Variants in FBXL13 observed in about 807,000 individuals in gnomAD.
FBXL13 encodes the protein F-box and leucine-rich repeat protein 13.
A neutral mutation model predicts 83.6 loss-of-function variants in FBXL13; 67 were observed. That is an observed-to-expected ratio of 0.80 (90% CI 0.66 to 0.98). The LOEUF is 0.98. Among genes scored for constraint, FBXL13 ranks in the 50% least tolerant of loss-of-function variants. The pLI, the probability that FBXL13 is intolerant of heterozygous loss-of-function variation, is 0.00. For synonymous variants in FBXL13, 272 were observed against 299.5 expected (o/e 0.91, Z 0.95); for missense variants, 822 against 866.5 (o/e 0.95, Z 0.64).
intron 6 of FBXL13, among the ~76,000 whole-genome samples, chr7:103,018,053 A>T (rs942188118): frequency 1.3e-5 from 2 of 152,190 alleles, no homozygotes; most frequent in African/African-American, 4.8e-5. Context: ...TGAAGGAAAA[A>T]ATGTTAAGGG....
chr7:102,950,340 A>G (rs1387991677), intron 8 of FBXL13, among the ~76,000 whole-genome samples: 1 of 152,248 alleles, frequency 6.6e-6, no homozygotes, highest in African/African-American at 2.4e-5. Context: ...GACGATGTAA[A>G]GCAACAGGAA....
intron 11 of FBXL13, among the ~76,000 whole-genome samples, chr7:102,905,210 G>A (rs1315625697): frequency 6.6e-6 from 1 of 151,316 alleles, no homozygotes; most frequent in African/African-American, 2.4e-5. Flanking sequence ...AAAGTGGGGT[G>A]TTGAAGTTTC....
chr7:102,935,455 A>C (rs936321146), intron 8 of FBXL13, among the ~76,000 whole-genome samples: 2 of 151,916 alleles, frequency 1.3e-5, no homozygotes, highest in East Asian at 1.9e-4. Flanking sequence ...AAACAATAAA[A>C]ATTTAAAGAA....
chr7:102,926,155 C>T, intron 10 of FBXL13, 119 bp downstream of exon 11: 4 of 740,996 alleles, frequency 5.4e-6, no homozygotes, highest in Non-Finnish European at 8.7e-6. Flanking sequence ...ATCAGAAAAG[C>T]AGTGCCACAG....
At chr7:102,845,504 G>A (rs1460685109) in intron 17 of FBXL13, among the ~76,000 whole-genome samples, 1 of 152,108 alleles carries the variant, frequency 6.6e-6, no homozygotes, top group Non-Finnish European at 1.5e-5. Flanking sequence ...AATAGATCTT[G>A]GTAGTTCATA....
At chr7:103,006,154 G>T (rs1480776741) in intron 6 of FBXL13, among the ~76,000 whole-genome samples, 1 of 152,190 alleles carries the variant, frequency 6.6e-6, no homozygotes, top group African/African-American at 2.4e-5. Flanking sequence ...GATAGAAGCG[G>T]TGCCAGATAG....
chr7:102,813,317 TG>T, exon 20 of FBXL13: 1 of 1,566,148 alleles, frequency 6.4e-7, no homozygotes, highest in African/African-American at 1.4e-5. Flanking sequence ...CTTGATTTTT[TG>T]TTCTTCCTGC....
At chr7:102,843,776 A>G (rs947747828) in intron 17 of FBXL13, among the ~76,000 whole-genome samples, 1 of 152,182 alleles carries the variant, frequency 6.6e-6, no homozygotes, top group Non-Finnish European at 1.5e-5. Flanking sequence ...ACTCCGTCTT[A>G]ATAAAAAAAA....
At chr7:102,859,401 T>G (rs1294482775) in intron 16 of FBXL13, among the ~76,000 whole-genome samples, 2 of 149,366 alleles carry the variant, frequency 1.3e-5, no homozygotes, top group African/African-American at 2.5e-5. Context: ...TTAATGTGGG[T>G]TTTTTTTTTC....
At chr7:102,914,084 G>A (rs978022008) in intron 10 of FBXL13, among the ~76,000 whole-genome samples, 1 of 152,048 alleles carries the variant, frequency 6.6e-6, no homozygotes, top group South Asian at 2.1e-4. Context: ...TTTTTGAGAC[G>A]AAGTTTCGCT....
At chr7:103,070,380 C>T (rs984418317) in intron 1 of FBXL13, among the ~76,000 whole-genome samples, 3 of 152,132 alleles carry the variant, frequency 2.0e-5, no homozygotes, top group African/African-American at 7.2e-5. Context: ...TACAGGCGTG[C>T]ACCACACCTG....
chr7:102,977,173 G>A (rs1372429076), intron 6 of FBXL13, among the ~76,000 whole-genome samples: 1 of 152,154 alleles, frequency 6.6e-6, no homozygotes, highest in Non-Finnish European at 1.5e-5. Context: ...CTTGGGCGGA[G>A]GATGGTTCAT....
chr7:103,045,469 A>G (rs1796176393), intron 2 of FBXL13, among the ~76,000 whole-genome samples: 1 of 152,190 alleles, frequency 6.6e-6, no homozygotes, highest in African/African-American at 2.4e-5. Context: ...CACTATCACC[A>G]TTGTAAAAGT....
intron 11 of FBXL13, among the ~76,000 whole-genome samples, chr7:102,887,527 G>C (rs187123273): frequency 6.6e-6 from 1 of 152,218 alleles, no homozygotes; most frequent in Admixed American, 6.5e-5. Context: ...TGTGATTGTG[G>C]GGGCTGGCAA....
rs189855837 is a variant in FBXL13 at position 102,954,845 on chromosome 7, T to C, written c.724+8688A>G. On this transcript the variant is annotated intron_variant, in intron 8 of 19. Coordinates refer to ENST00000313221, the Ensembl canonical transcript of FBXL13. Reference sequence around the variant, plus strand: ...TCAATTCAACAAGAAAAGATAACTATCCTAAATATATATGCACCCAATACA... The same window carrying C: ...TCAATTCAACAAGAAAAGATAACTACCCTAAATATATATGCACCCAATACA... 6.1e-3 allele frequency among the ~76,000 whole-genome samples: 931 copies of C among 152,238 alleles called. 5 individuals carry two copies. The highest frequency in any genetic ancestry group is 0.01 in the Non-Finnish European group (687 of 68,032).
At chr7:102,822,909 A>G (rs1799005773) in intron 18 of FBXL13, among the ~76,000 whole-genome samples, 1 of 152,128 alleles carries the variant, frequency 6.6e-6, no homozygotes, top group South Asian at 2.1e-4. Context: ...CAAAAATACA[A>G]AAATTAGCTG....
At chr7:103,007,323 G>C (rs1791091904) in intron 6 of FBXL13, among the ~76,000 whole-genome samples, 1 of 151,490 alleles carries the variant, frequency 6.6e-6, no homozygotes, top group Non-Finnish European at 1.5e-5. Context: ...CAATGATAAA[G>C]AGAGAAATCT....
intron 8 of FBXL13, among the ~76,000 whole-genome samples, chr7:102,945,830 A>T (rs941029390): frequency 6.6e-6 from 1 of 152,116 alleles, no homozygotes; most frequent in Non-Finnish European, 1.5e-5. Flanking sequence ...ACCTTATCTG[A>T]TACTTGCACA....
At chr7:102,970,641 G>A (rs1826535559) in intron 6 of FBXL13, among the ~76,000 whole-genome samples, 1 of 151,914 alleles carries the variant, frequency 6.6e-6, no homozygotes, top group Non-Finnish European at 1.5e-5. Flanking sequence ...AAACACACGA[G>A]GAAAAGGAAG....
Sources: allele counts gnomAD v4.1 joint callset (sites outside exome capture counted in the v4.1 genomes callset), GRCh38; gene constraint gnomAD v4.1.1; transcripts MANE v1.5; gene names NCBI Gene and HGNC (gene_info 2026-07-23, HGNC 2026-07-21).